The following AGMO variants were observed in gnomAD, a reference collection of about 807,000 sequenced individuals.
AGMO encodes alkylglycerol monooxygenase.
In AGMO, 75 loss-of-function variants were observed where a neutral mutation model predicts 60.2. The ratio of observed to expected loss-of-function variants is 1.25; its 90% CI spans 1.03 to 1.51. The LOEUF is 1.51. Ranked by LOEUF, AGMO falls within the 40% of genes most tolerant of loss-of-function variation. The probability of loss-of-function intolerance (pLI) is 0.00; values close to 1 mark genes in which losing one functional copy is unlikely to be tolerated. For synonymous variants in AGMO, 261 were observed against 177.1 expected (o/e 1.47, Z -3.76); for missense variants, 763 against 525.5 (o/e 1.45, Z -4.42).
At chr7:15,449,964 CAACA>C (rs1447236690) in intron 3 of AGMO, among the ~76,000 whole-genome samples, 3 of 152,254 alleles carry the variant, frequency 2.0e-5, no homozygotes, top group Middle Eastern at 6.8e-3. Context: ...TCAAATTTAA[CAACA>C]AATAGTGGTA....
Position 15,344,912 on chromosome 7 carries a change from G to C in AGMO, c.1263+20602C>G, listed in dbSNP as rs960597852. The stretch of plus-strand genomic sequence containing the variant: ...TCAGTTAGATTTATCTCCCTGTGGA[G>C]ACTGTTGTTTTCTTGAGATGCAAAG... On this transcript the variant is annotated intron_variant, in intron 12 of 12. Transcript: ENST00000342526. Among the ~76,000 whole-genome samples, 12 of 152,136 alleles carry C rather than the reference G, an allele frequency of 7.9e-5. 1 individual carries two copies. Among genetic ancestry groups the C allele is most frequent in the Admixed American group, 7.9e-4 (12 of 15,278 alleles).
chr7:15,153,397 TA>T, the AGMO span, among the ~76,000 whole-genome samples: 1 of 152,190 alleles, frequency 6.6e-6, no homozygotes. Flanking sequence ...TTTGTGTTTT[TA>T]ATCATGAAGC....
chr7:15,532,650 T>A (rs1232515658), intron 3 of AGMO, among the ~76,000 whole-genome samples: 1 of 152,112 alleles, frequency 6.6e-6, no homozygotes. Flanking sequence ...AAATCTTGAG[T>A]TCTTTAGGAT....
At chr7:15,406,368 A>G (rs1330405173) in intron 5 of AGMO, among the ~76,000 whole-genome samples, 4 of 142,284 alleles carry the variant, frequency 2.8e-5, no homozygotes, top group African/African-American at 8.0e-5. Context: ...GTATATACAC[A>G]CATACATATG....
chr7:15,390,617 A>AT (rs2128485115), intron 8 of AGMO, 54 bp downstream of exon 8: 2 of 1,367,922 alleles, frequency 1.5e-6, no homozygotes, highest in South Asian at 2.7e-5. Context: ...TCTCTTAACT[A>AT]TAAGATTTAT....
intron 3 of AGMO, among the ~76,000 whole-genome samples, chr7:15,536,670 T>G (rs1426108780): frequency 1.3e-5 from 2 of 151,866 alleles, no homozygotes; most frequent in Admixed American, 1.3e-4. Flanking sequence ...TCTCAAATAT[T>G]TTTTGAAAAA....
At chr7:15,353,519 A>G (rs1782337716) in intron 12 of AGMO, among the ~76,000 whole-genome samples, 1 of 152,334 alleles carries the variant, frequency 6.6e-6, no homozygotes, top group Admixed American at 6.5e-5. Flanking sequence ...CAAGCACAAA[A>G]GCAAGACTAA....
intron 3 of AGMO, among the ~76,000 whole-genome samples, chr7:15,541,454 A>T (rs1468135155): frequency 6.6e-6 from 1 of 152,192 alleles, no homozygotes; most frequent in Admixed American, 6.5e-5. Flanking sequence ...AAAAGAGTGC[A>T]CAAAGCTACT....
intron 12 of AGMO, among the ~76,000 whole-genome samples, chr7:15,204,810 G>C (rs978216686): frequency 9.9e-5 from 15 of 152,066 alleles, no homozygotes; most frequent in African/African-American, 3.6e-4. Context: ...AATTTTAATG[G>C]GGACTGGTGT....
chr7:15,386,158 G>C (rs1033794848), intron 9 of AGMO, among the ~76,000 whole-genome samples: 2 of 149,316 alleles, frequency 1.3e-5, no homozygotes, highest in Non-Finnish European at 3.0e-5. Flanking sequence ...TCCAACCTGG[G>C]CAACAGTCCC....
At chr7:15,392,658 A>G (rs4721431) in intron 6 of AGMO, among the ~76,000 whole-genome samples, 93,467 of 151,642 alleles carry the variant, frequency 0.62, 28,991 homozygotes, top group Middle Eastern at 0.77. Flanking sequence ...AATTAACCAC[A>G]CGTGGTGGCT....
At chr7:15,338,064 T>G (rs1781720387) in intron 12 of AGMO, among the ~76,000 whole-genome samples, 1 of 152,226 alleles carries the variant, frequency 6.6e-6, no homozygotes. Context: ...TTTTAGAGTA[T>G]GTTCATGTAT....
intron 10 of AGMO, among the ~76,000 whole-genome samples, chr7:15,381,049 A>T (rs945756466): frequency 1.3e-5 from 2 of 152,190 alleles, no homozygotes; most frequent in African/African-American, 2.4e-5. Context: ...TAAAGACTTA[A>T]ATGTGAAACC....
intron 12 of AGMO, among the ~76,000 whole-genome samples, chr7:15,219,288 A>T (rs796345105): frequency 2.2e-4 from 34 of 152,316 alleles, no homozygotes; most frequent in African/African-American, 8.2e-4. Flanking sequence ...ATCTAATATA[A>T]TCTAGACAAT....
chr7:15,214,530 C>A (rs1188315754), intron 12 of AGMO, among the ~76,000 whole-genome samples: 1 of 151,910 alleles, frequency 6.6e-6, no homozygotes, highest in African/African-American at 2.4e-5. Flanking sequence ...AACCATTGTG[C>A]AAGGCTGAGG....
chr7:15,392,836 T>C, intron 6 of AGMO, among the ~76,000 whole-genome samples: 1 of 149,932 alleles, frequency 6.7e-6, no homozygotes, highest in Non-Finnish European at 1.5e-5. Context: ...ACAAACAACT[T>C]TAAATACACC....
intron 3 of AGMO, among the ~76,000 whole-genome samples, chr7:15,473,547 T>A (rs1051646077): frequency 6.6e-6 from 1 of 152,044 alleles, no homozygotes. Context: ...AACTAGGTAC[T>A]GATGGAATGT....
intron 3 of AGMO, among the ~76,000 whole-genome samples, chr7:15,509,323 G>C (rs1287255733): frequency 2.0e-5 from 3 of 150,756 alleles, no homozygotes; most frequent in Non-Finnish European, 4.4e-5. Context: ...AATGGGGAAA[G>C]AACAGTCTCT....
At chr7:15,493,535 G>A (rs962760031) in intron 3 of AGMO, among the ~76,000 whole-genome samples, 1 of 151,034 alleles carries the variant, frequency 6.6e-6, no homozygotes, top group African/African-American at 2.4e-5. Context: ...CACCACACCC[G>A]GCTAATTTTT....
Sources: gnomAD v4.1 joint callset for allele counts (sites outside exome capture counted in the v4.1 genomes callset) on GRCh38, gnomAD v4.1.1 for gene constraint, MANE v1.5 for transcripts, NCBI Gene and HGNC (gene_info 2026-07-23, HGNC 2026-07-21) for gene names.